Variants in CRACDL observed in about 807,000 individuals in gnomAD.
CRACDL encodes CRACD like.
Under a neutral mutation model 70.6 loss-of-function variants are expected in CRACDL, and 26 were observed. That is an observed-to-expected ratio of 0.37 (90% confidence interval 0.27 to 0.51). CRACDL has a LOEUF of 0.51. Ranked by LOEUF, CRACDL falls within the 20% of genes least tolerant of loss-of-function variation. CRACDL has a pLI of 0.94. For synonymous variants in CRACDL, 618 were observed against 615.2 expected, an observed-to-expected ratio of 1.00 and a Z score of -0.07; for missense variants, 1,283 against 1,376.9, an observed-to-expected ratio of 0.93 and a Z score of 1.08.
chr2:98,809,872 C>T (rs1704483376), intron 7 of CRACDL: 1 of 152,132 alleles, frequency 6.6e-6, no homozygotes, highest in South Asian at 2.1e-4. Flanking sequence ...TCTTTGCTGC[C>T]CTATTTGCTG....
intron 7 of CRACDL, among the ~76,000 whole-genome samples, chr2:98,806,336 G>C (rs1229807964): frequency 6.6e-6 from 1 of 152,274 alleles, no homozygotes; most frequent in Non-Finnish European, 1.5e-5. Flanking sequence ...GTGGAGTGAG[G>C]CCAGGAATCT....
At chr2:98,798,006 C>G (rs1409628547) in intron 7 of CRACDL, among the ~76,000 whole-genome samples, 1 of 152,146 alleles carries the variant, frequency 6.6e-6, no homozygotes, top group Non-Finnish European at 1.5e-5. Context: ...GTCACAGTTG[C>G]TTTCCTTAAT....
chr2:98,804,211 G>C (rs1353939155), intron 7 of CRACDL, among the ~76,000 whole-genome samples: 2 of 152,182 alleles, frequency 1.3e-5, no homozygotes, highest in African/African-American at 4.8e-5. Flanking sequence ...GACTGAGCAA[G>C]AGCTTTTCAG....
At position 98,832,476 on chromosome 2, in the gene CRACDL, G is replaced by C. The variant is rs1705585018; in HGVS notation, c.412C>G (p.Pro138Ala). 1.2e-6 allele frequency: 2 copies of C among 1,612,334 alleles called. No homozygotes were observed. Among genetic ancestry groups the C allele is most frequent in the Non-Finnish European group, 1.7e-6 (2 of 1,178,984 alleles). ...IQCNVKMGPP[P>A]PPGGLPAKRG... ...TTGGCAGGAAGCCCCCCTGGAGGAG[G>C]TGGTGGCCCCATTTTCACATTACAC... The change falls in exon 5 of 10, where the codon CCT (proline) becomes GCT (alanine). Residue 138 changes from proline (P) to alanine (A), a missense_variant. By Grantham distance (27) the Pro-to-Ala change is conservative. Around this residue, in one of 2 missense-constraint regions of CRACDL, gnomAD observed 362 missense variants for 495.0 expected, o/e 0.73. Coordinates refer to ENST00000397899, the MANE Select transcript of CRACDL (RefSeq NM_207362.3).
In CRACDL at chr2:98,920,067, T is replaced by C. The variant is rs1708765029; in HGVS notation, c.-11+15871A>G. Among the ~76,000 whole-genome samples, 3 of 152,306 alleles carry C rather than the reference T, an allele frequency of 2.0e-5. No individual in the cohort carries two copies. In the South Asian group the frequency reaches 6.2e-4, roughly 32 times the overall value. On this transcript the variant is annotated intron_variant, in intron 1 of 9. Coordinates refer to ENST00000397899, the MANE Select transcript of CRACDL (RefSeq NM_207362.3). ...CTGTGCCTGGCCTACAATACGTTTTTTAATATGTTTTAATATCTGGTAAGT... is the reference window on the plus strand; with the variant it reads ...CTGTGCCTGGCCTACAATACGTTTTCTAATATGTTTTAATATCTGGTAAGT...
At chr2:98,876,334 G>C (rs191973805) in intron 1 of CRACDL, among the ~76,000 whole-genome samples, 107 of 152,292 alleles carry the variant, frequency 7.0e-4, no homozygotes, top group African/African-American at 2.5e-3. Flanking sequence ...GAATGCTCTA[G>C]AGTGGGGGTC....
rs993483821 is a variant in CRACDL at position 98,925,638 on chromosome 2, C to T, written c.-11+10300G>A. On this transcript the variant is annotated intron_variant, in intron 1 of 9. Coordinates refer to ENST00000397899, the MANE Select transcript of CRACDL (RefSeq NM_207362.3). ...CGGGGAGTGCGCCTCGTGAGGGAAG[C>T]GGGATAAAGGTGGGCTCACAGCTCT... is the stretch of plus-strand genomic sequence containing the variant. Among the ~76,000 whole-genome samples the T allele has an allele frequency of 4.7e-4, 71 of 152,166 alleles. 2 individuals are homozygous for T. Among genetic ancestry groups the T allele is most frequent in the Non-Finnish European group, 1.3e-4 (9 of 67,994 alleles).
intron 1 of CRACDL, among the ~76,000 whole-genome samples, chr2:98,898,572 G>T (rs1200837505): frequency 6.6e-6 from 1 of 152,250 alleles, no homozygotes; most frequent in Non-Finnish European, 1.5e-5. Flanking sequence ...TGCGGGAGCT[G>T]AGTCTGACCT....
chr2:98,905,157 G>A (rs900262514), intron 1 of CRACDL, among the ~76,000 whole-genome samples: 5 of 151,110 alleles, frequency 3.3e-5, no homozygotes, highest in Non-Finnish European at 7.4e-5. Context: ...GGCTGAGGCA[G>A]GAGAATGGCG....
chr2:98,858,554 G>A (rs944951572), intron 1 of CRACDL, among the ~76,000 whole-genome samples: 9 of 148,514 alleles, frequency 6.1e-5, no homozygotes, highest in African/African-American at 2.2e-4. Context: ...ATCTCAAATC[G>A]CTATCATAAC....
intron 1 of CRACDL, among the ~76,000 whole-genome samples, chr2:98,902,248 C>A (rs1206678689): frequency 6.6e-6 from 1 of 152,194 alleles, no homozygotes; most frequent in Admixed American, 6.5e-5. Flanking sequence ...AGTGGGCTCG[C>A]CTCTCTCAGT....
chr2:98,889,912 T>C (rs1438448225), intron 1 of CRACDL, among the ~76,000 whole-genome samples: 2 of 152,088 alleles, frequency 1.3e-5, no homozygotes, highest in Non-Finnish European at 2.9e-5. Flanking sequence ...AAATAACCAA[T>C]GGATCAAAGA....
intron 7 of CRACDL, among the ~76,000 whole-genome samples, chr2:98,799,129 C>T (rs1575316907): frequency 1.3e-5 from 2 of 152,318 alleles, no homozygotes; most frequent in East Asian, 1.9e-4. Context: ...TTCCCTTCTA[C>T]ACAGTGTGCT....
At chr2:98,910,703 C>T (rs1558635701) in intron 1 of CRACDL, among the ~76,000 whole-genome samples, 1 of 152,196 alleles carries the variant, frequency 6.6e-6, no homozygotes, top group Non-Finnish European at 1.5e-5. Flanking sequence ...TTCCCTCCCT[C>T]CACACCCACC....
At chr2:98,857,691 G>A (rs1706762841) in intron 1 of CRACDL, among the ~76,000 whole-genome samples, 1 of 152,190 alleles carries the variant, frequency 6.6e-6, no homozygotes, top group African/African-American at 2.4e-5. Context: ...AATGGAATTT[G>A]TAGATTTAAC....
chr2:98,880,602 G>T (rs1477353877), intron 1 of CRACDL, among the ~76,000 whole-genome samples: 1 of 152,130 alleles, frequency 6.6e-6, no homozygotes, highest in African/African-American at 2.4e-5. Context: ...TGTTTGCAGG[G>T]TGTCTGCCCC....
At position 98,821,988 on chromosome 2, in the gene CRACDL, A is replaced by T; in HGVS notation, c.2285T>A (p.Leu762Gln). Residue 762 changes from leucine to glutamine, a missense_variant, in exon 7 of 10, where the codon CTG becomes CAG. Transcript: ENST00000397899. ...PPEPLSSKPP[L>Q]PRKPLLQSFT... ...GCTCTGCAGAAGCGGCTTCCGGGGC[A>T]GGGGCGGCTTGGAGCTGAGCGGCTC... 1 of 1,529,698 alleles carries T rather than the reference A, an allele frequency of 6.5e-7. No individual in the cohort carries two copies. Among genetic ancestry groups the T allele is most frequent in the Non-Finnish European group, 8.8e-7 (1 of 1,138,958 alleles). The allele number at this position is 1,529,698 out of a possible 1,614,324, so 94.8% of individuals were successfully genotyped here.
At chr2:98,908,141 C>G (rs1708460261) in intron 1 of CRACDL, among the ~76,000 whole-genome samples, 1 of 152,248 alleles carries the variant, frequency 6.6e-6, no homozygotes, top group Non-Finnish European at 1.5e-5. Flanking sequence ...GTAGCAGGAG[C>G]TGCCAGTACC....
intron 7 of CRACDL, among the ~76,000 whole-genome samples, chr2:98,820,200 A>G (rs532271185): frequency 1.3e-5 from 2 of 151,984 alleles, no homozygotes; most frequent in African/African-American, 4.8e-5. Flanking sequence ...TTATTTGTGT[A>G]GTTTCATTTT....
Sources: allele counts gnomAD v4.1 joint callset (sites outside exome capture counted in the v4.1 genomes callset), GRCh38; gene constraint gnomAD v4.1.1; regional missense constraint gnomAD v4.1.1; transcripts MANE v1.5; gene names NCBI Gene and HGNC (gene_info 2026-07-23, HGNC 2026-07-21).